The following ESRRG variants were observed in gnomAD, a reference collection of about 807,000 sequenced individuals.
ESRRG encodes the protein estrogen related receptor gamma, also known as estrogen-related receptor gamma.
ESRRG carries 13 observed loss-of-function variants against 44.0 expected under a neutral mutation model. The ratio of observed to expected loss-of-function variants is 0.30; its 90% confidence interval spans 0.19 to 0.47. The LOEUF is 0.47. ESRRG is among the 20% of genes least tolerant of loss of function. The pLI is 1.00. For missense variants in ESRRG, 395 were observed against 580.6 expected (o/e 0.68, Z 3.29); for synonymous variants, 215 against 214.6 (o/e 1.00, Z -0.02).
At chr1:217,066,542 C>T (rs922643249) in intron 1 of ESRRG, among the ~76,000 whole-genome samples, 1 of 152,110 alleles carries the variant, frequency 6.6e-6, no homozygotes, top group Non-Finnish European at 1.5e-5. Flanking sequence ...AGCCTGGCCT[C>T]CCATGGGGAG....
chr1:216,868,459 A>C (rs2096208817), intron 2 of ESRRG, among the ~76,000 whole-genome samples: 1 of 152,144 alleles, frequency 6.6e-6, no homozygotes, highest in South Asian at 2.1e-4. Flanking sequence ...TTATCTATCC[A>C]TTCACCCTTG....
chr1:216,742,429 T>C (rs955026193), intron 2 of ESRRG, among the ~76,000 whole-genome samples: 5 of 152,262 alleles, frequency 3.3e-5, no homozygotes, highest in Admixed American at 2.6e-4. Context: ...ATCATGTTTC[T>C]CCAATAGAAT....
chr1:216,544,938 A>G (rs2054029925), intron 5 of ESRRG, among the ~76,000 whole-genome samples: 1 of 152,102 alleles, frequency 6.6e-6, no homozygotes, highest in African/African-American at 2.4e-5. Flanking sequence ...CAATTTAAGA[A>G]TTAGAAAATG....
At chr1:217,064,864 C>T (rs535645146) in intron 1 of ESRRG, among the ~76,000 whole-genome samples, 1 of 152,148 alleles carries the variant, frequency 6.6e-6, no homozygotes, top group South Asian at 2.1e-4. Flanking sequence ...TATGCTAGAC[C>T]CTGAATAAAC....
intron 1 of ESRRG, among the ~76,000 whole-genome samples, chr1:216,993,444 A>C (rs922843234): frequency 6.6e-6 from 1 of 152,196 alleles, no homozygotes; most frequent in Non-Finnish European, 1.5e-5. Context: ...TATATAACTT[A>C]TATGCAACCC....
At chr1:217,013,231 T>C (rs920426467) in intron 1 of ESRRG, among the ~76,000 whole-genome samples, 1 of 152,192 alleles carries the variant, frequency 6.6e-6, no homozygotes, top group East Asian at 1.9e-4. Context: ...AACAAAACTA[T>C]AAGCAGCTCT....
chr1:217,089,201 C>T (rs1210539832), intron 1 of ESRRG, among the ~76,000 whole-genome samples: 1 of 152,004 alleles, frequency 6.6e-6, no homozygotes, highest in African/African-American at 2.4e-5. Flanking sequence ...AAGTCTCTAT[C>T]CAGGAAGGGG....
chr1:216,728,007 A>G (rs1047857154), upstream of ESRRG, among the ~76,000 whole-genome samples: 2 of 152,184 alleles, frequency 1.3e-5, no homozygotes, highest in African/African-American at 4.8e-5. Flanking sequence ...AATAATACAC[A>G]TGGTGAAATG....
intron 2 of ESRRG, among the ~76,000 whole-genome samples, chr1:216,900,452 A>T (rs2058941784): frequency 6.6e-6 from 1 of 152,238 alleles, no homozygotes; most frequent in Admixed American, 6.5e-5. Flanking sequence ...AGAATCAAGC[A>T]GTAATGGGAA....
At chr1:216,544,096 A>C (rs1449575764) in intron 5 of ESRRG, among the ~76,000 whole-genome samples, 1 of 152,036 alleles carries the variant, frequency 6.6e-6, no homozygotes, top group Admixed American at 6.6e-5. Flanking sequence ...CAACAATTTC[A>C]CAGGGATGTT....
chr1:217,032,665 A>C (rs2082245815), intron 1 of ESRRG, among the ~76,000 whole-genome samples: 1 of 152,168 alleles, frequency 6.6e-6, no homozygotes, highest in South Asian at 2.1e-4. Flanking sequence ...TATTTGTTTC[A>C]TTATTTGGGG....
At chr1:216,642,969 C>T (rs2066750570) in intron 3 of ESRRG, among the ~76,000 whole-genome samples, 1 of 152,158 alleles carries the variant, frequency 6.6e-6, no homozygotes, top group Non-Finnish European at 1.5e-5. Context: ...AAACACTACG[C>T]TCTTTAAATG....
At chr1:216,591,783 T>C (rs759682599) in intron 3 of ESRRG, among the ~76,000 whole-genome samples, 2 of 152,134 alleles carry the variant, frequency 1.3e-5, no homozygotes, top group Non-Finnish European at 2.9e-5. Context: ...TCAAAATAAA[T>C]AATGATAGCA....
chr1:216,932,719 GTTTTTTTTTTTTTTTT>G (rs397860904), intron 2 of ESRRG, among the ~76,000 whole-genome samples: 2 of 70,302 alleles, frequency 2.8e-5, no homozygotes, highest in African/African-American at 5.6e-5. Flanking sequence ...CACCAAACTT[GTTTTTTTTTTTTTTTT>G]TTTTTTTTTT....
At chr1:216,995,141 T>G (rs2818765) in intron 1 of ESRRG, among the ~76,000 whole-genome samples, 39,375 of 152,036 alleles carry the variant, frequency 0.26, 6,579 homozygotes, top group East Asian at 0.52. Flanking sequence ...CCAAAGGCCA[T>G]TCTTGACCCC....
At chr1:217,115,678 C>T (rs997461773) in intron 1 of ESRRG, among the ~76,000 whole-genome samples, 9 of 152,274 alleles carry the variant, frequency 5.9e-5, no homozygotes, top group Middle Eastern at 3.4e-3. Context: ...GTCACTGTCT[C>T]GTGCATGCCT....
chr1:216,807,575 T>C (rs1290286093), intron 2 of ESRRG, among the ~76,000 whole-genome samples: 4 of 152,158 alleles, frequency 2.6e-5, no homozygotes, highest in African/African-American at 9.7e-5. Context: ...TTTCTCATTT[T>C]GGTAATGCAG....
intron 5 of ESRRG, among the ~76,000 whole-genome samples, chr1:216,557,102 C>G (rs1012421536): frequency 6.6e-6 from 1 of 152,140 alleles, no homozygotes; most frequent in Non-Finnish European, 1.5e-5. Flanking sequence ...TTAAGGACTT[C>G]GCCAGCTCTT....
chr1:216,549,947 CAT>C (rs2055768360), intron 5 of ESRRG, among the ~76,000 whole-genome samples: 1 of 152,130 alleles, frequency 6.6e-6, no homozygotes, highest in Admixed American at 6.6e-5. Flanking sequence ...TGGGAGAGAG[CAT>C]ATGTTTTCTG....
Sources: gnomAD v4.1 joint callset for allele counts (sites outside exome capture counted in the v4.1 genomes callset) on GRCh38, gnomAD v4.1.1 for gene constraint, MANE v1.5 for transcripts, NCBI Gene and HGNC (gene_info 2026-07-23, HGNC 2026-07-21) for gene names.